SLC1A2: variants seen among roughly 807,000 people sequenced by gnomAD.
SLC1A2 encodes solute carrier family 1 member 2, also known as excitatory amino acid transporter 2.
A neutral mutation model predicts 48.8 loss-of-function variants in SLC1A2; 15 were observed. The ratio of observed to expected loss-of-function variants is 0.31; its 90% CI spans 0.21 to 0.47. The LOEUF (loss-of-function observed/expected upper bound fraction) is 0.47, where lower values mean the gene tolerates loss of function less well. SLC1A2 is among the 20% of genes least tolerant of loss of function. The probability of loss-of-function intolerance (pLI) is 0.99; values close to 1 mark genes in which losing one functional copy is unlikely to be tolerated. For missense variants in SLC1A2, 502 were observed against 730.5 expected, an observed-to-expected ratio of 0.69 and a Z score of 3.61; for synonymous variants, 279 against 272.6, an observed-to-expected ratio of 1.02 and a Z score of -0.23.
chr11:35,314,442 C>A (rs1465611999), intron 3 of SLC1A2, among the ~76,000 whole-genome samples: 2 of 152,136 alleles, frequency 1.3e-5, no homozygotes, highest in African/African-American at 2.4e-5. Flanking sequence ...AGGCCAGGTG[C>A]AGTGGCTCAT....
At chr11:35,393,195 T>C (rs1002016256) in intron 1 of SLC1A2, among the ~76,000 whole-genome samples, 4 of 152,280 alleles carry the variant, frequency 2.6e-5, no homozygotes, top group Admixed American at 6.5e-5. Context: ...AAGCCCAAGA[T>C]GCATCATCAC....
chr11:35,377,134 C>T lies in SLC1A2; in HGVS notation c.17+41816G>A, dbSNP rs186625176. ...TATCCCCATTAACTCATTTAGCGCT[C>T]ACTACATCCTTAGGAGGAAGGAGCC... On this transcript the variant is annotated intron_variant, in intron 1 of 10. Coordinates refer to ENST00000278379, the MANE Select transcript of SLC1A2 (RefSeq NM_004171.4). Among the ~76,000 whole-genome samples the T allele has an allele frequency of 6.6e-5, 10 of 152,222 alleles. No homozygotes were observed. The East Asian group carries it at 1.9e-3, about 29-fold the overall frequency.
rs1851491299 is a variant in SLC1A2 at position 35,306,013 on chromosome 11, G to T, written c.730+61C>A. ...CTGAGTCATCAGTTTTCTGAAAAGG[G>T]AGTGCAGGATAGCCCAGCCATTGCC... On this transcript the variant is annotated intron_variant, in intron 5 of 10. Coordinates refer to ENST00000278379, the MANE Select transcript of SLC1A2 (RefSeq NM_004171.4). The T allele has an allele frequency of 3.4e-6, 5 of 1,491,202 alleles. No homozygotes were observed. In the South Asian group the frequency reaches 4.6e-5, roughly 14 times the overall value. 92.4% of individuals were successfully genotyped at this position (1,491,202 alleles called of 1,614,324 possible).
intron 1 of SLC1A2, chr11:35,323,019 G>A (rs1365085044): frequency 8.2e-6 from 4 of 489,940 alleles, no homozygotes; most frequent in Non-Finnish European, 1.5e-5. Flanking sequence ...ATACCGTGTT[G>A]TCACAGATCC....
Position 35,388,897 on chromosome 11 carries a change from T to C in SLC1A2, c.17+30053A>G, listed in dbSNP as rs966396918. Among the ~76,000 whole-genome samples the C allele has an allele frequency of 3.3e-5, 5 of 152,242 alleles. No individual in the cohort carries two copies. The East Asian group carries it at 9.7e-4, about 29-fold the overall frequency. On this transcript the variant is annotated intron_variant, in intron 1 of 10. Transcript: ENST00000278379. ...TCACTTATAAGTGGTAGCTAATCACTGGGTACACGTGGACATAGAGATGAA... is the reference window on the plus strand; with the variant it reads ...TCACTTATAAGTGGTAGCTAATCACCGGGTACACGTGGACATAGAGATGAA...
intron 1 of SLC1A2, among the ~76,000 whole-genome samples, chr11:35,330,174 C>T (rs1852383272): frequency 6.6e-6 from 1 of 152,218 alleles, no homozygotes; most frequent in Admixed American, 6.5e-5. Context: ...AGGGTTTTCT[C>T]TTCTCCCAAG....
chr11:35,361,990 A>G (rs1853696050), intron 1 of SLC1A2, among the ~76,000 whole-genome samples: 1 of 152,200 alleles, frequency 6.6e-6, no homozygotes, highest in Non-Finnish European at 1.5e-5. Context: ...AAAAATAAAT[A>G]AATAATTAAA....
intron 1 of SLC1A2, among the ~76,000 whole-genome samples, chr11:35,416,028 A>G (rs1219195864): frequency 6.6e-6 from 1 of 152,218 alleles, no homozygotes; most frequent in African/African-American, 2.4e-5. Context: ...AAGAATGCTC[A>G]ACTATTAAAT....
At chr11:35,342,016 G>A (rs1426732560) in intron 1 of SLC1A2, among the ~76,000 whole-genome samples, 1 of 152,154 alleles carries the variant, frequency 6.6e-6, no homozygotes, top group African/African-American at 2.4e-5. Flanking sequence ...ATATGCATGT[G>A]TATATTTATA....
intron 8 of SLC1A2, among the ~76,000 whole-genome samples, chr11:35,282,780 C>A (rs1001516110): frequency 6.6e-6 from 1 of 152,146 alleles, no homozygotes; most frequent in Admixed American, 6.5e-5. Context: ...TCTGGTTATC[C>A]TTTGGTTGTG....
At chr11:35,399,738 G>C in intron 1 of SLC1A2, 1 of 237,818 alleles carries the variant, frequency 4.2e-6, no homozygotes, top group African/African-American at 2.3e-5. Flanking sequence ...CACCATTTTA[G>C]AGAAAGTACT....
intron 4 of SLC1A2, among the ~76,000 whole-genome samples, chr11:35,308,035 C>T (rs1490513132): frequency 6.6e-6 from 1 of 152,180 alleles, no homozygotes; most frequent in African/African-American, 2.4e-5. Flanking sequence ...CAGAGTCATG[C>T]TCCCAGGAAA....
At chr11:35,344,733 C>T (rs1852966925) in intron 1 of SLC1A2, among the ~76,000 whole-genome samples, 8 of 152,302 alleles carry the variant, frequency 5.3e-5, no homozygotes, top group Non-Finnish European at 7.3e-5. Context: ...TGTGCTTGTT[C>T]TGAATTTCAA....
intron 1 of SLC1A2, among the ~76,000 whole-genome samples, chr11:35,367,033 C>G (rs1301393270): frequency 3.9e-5 from 6 of 152,218 alleles, no homozygotes; most frequent in African/African-American, 1.4e-4. Flanking sequence ...CTAACTGACT[C>G]TATCATAGCA....
At chr11:35,268,247 ACT>A (rs1395462325) in intron 9 of SLC1A2, among the ~76,000 whole-genome samples, 128 of 152,336 alleles carry the variant, frequency 8.4e-4, no homozygotes, top group African/African-American at 3.1e-3. Flanking sequence ...TCAGAGCAAT[ACT>A]CTGAGTACCC....
At chr11:35,263,479 A>G (rs2134599716) in intron 10 of SLC1A2, among the ~76,000 whole-genome samples, 1 of 152,302 alleles carries the variant, frequency 6.6e-6, no homozygotes, top group Admixed American at 6.5e-5. Flanking sequence ...AAAAAAAAGA[A>G]AAAGAAGCAA....
At chr11:35,387,334 C>T (rs1854616262) in intron 1 of SLC1A2, among the ~76,000 whole-genome samples, 1 of 152,092 alleles carries the variant, frequency 6.6e-6, no homozygotes. Flanking sequence ...ATGCCAGAAA[C>T]GTGGGGTCTC....
chr11:35,340,384 T>C (rs2135030881), intron 1 of SLC1A2, among the ~76,000 whole-genome samples: 1 of 152,336 alleles, frequency 6.6e-6, no homozygotes, highest in African/African-American at 2.4e-5. Flanking sequence ...TTGAAGTCCA[T>C]GGAATGATCT....
At chr11:35,342,045 TG>T (rs1359126652) in intron 1 of SLC1A2, among the ~76,000 whole-genome samples, 1 of 152,226 alleles carries the variant, frequency 6.6e-6, no homozygotes, top group African/African-American at 2.4e-5. Flanking sequence ...AAAGAAATTC[TG>T]GAAAGAAAAG....
Sources: allele counts gnomAD v4.1 joint callset (sites outside exome capture counted in the v4.1 genomes callset), GRCh38; gene constraint gnomAD v4.1.1; transcripts MANE v1.5; gene names NCBI Gene and HGNC (gene_info 2026-07-23, HGNC 2026-07-21).